Variants in SLC25A21 observed in about 807,000 individuals in gnomAD.
SLC25A21 encodes mitochondrial 2-oxodicarboxylate carrier.
Under a neutral mutation model 43.8 loss-of-function variants are expected in SLC25A21, and 47 were observed. That is an observed-to-expected ratio of 1.07 (90% CI 0.85 to 1.37). SLC25A21 has a LOEUF of 1.37. Ranked by LOEUF, SLC25A21 falls within the 40% of genes most tolerant of loss-of-function variation. The pLI is 0.00. For missense variants in SLC25A21, 352 were observed against 350.2 expected (o/e 1.00, Z -0.04); for synonymous variants, 131 against 121.3 (o/e 1.08, Z -0.52).
intron 7 of SLC25A21, among the ~76,000 whole-genome samples, chr14:36,696,989 T>C (rs943158845): frequency 6.6e-6 from 1 of 152,216 alleles, no homozygotes; most frequent in African/African-American, 2.4e-5. Flanking sequence ...CTCGTTCTTT[T>C]AATTGTGATG....
chr14:37,117,987 C>T (rs1175131856), intron 1 of SLC25A21, among the ~76,000 whole-genome samples: 1 of 151,904 alleles, frequency 6.6e-6, no homozygotes, highest in African/African-American at 2.4e-5. Context: ...GATTCCCCTC[C>T]TCCCAAAAAG....
intron 3 of SLC25A21, among the ~76,000 whole-genome samples, chr14:36,777,496 G>C (rs1438117868): frequency 6.6e-6 from 1 of 152,088 alleles, no homozygotes; most frequent in African/African-American, 2.4e-5. Context: ...AGATCATCCT[G>C]GATTAAACTG....
At chr14:37,159,896 T>G (rs1963910650) in intron 1 of SLC25A21, among the ~76,000 whole-genome samples, 1 of 151,960 alleles carries the variant, frequency 6.6e-6, no homozygotes, top group South Asian at 2.1e-4. Flanking sequence ...ATAACATCAT[T>G]AAAAAGTAGG....
chr14:36,818,667 T>C (rs576522464), intron 2 of SLC25A21, among the ~76,000 whole-genome samples: 1 of 152,232 alleles, frequency 6.6e-6, no homozygotes, highest in Non-Finnish European at 1.5e-5. Context: ...CCATTACACA[T>C]GACTTATTCT....
At chr14:37,053,764 A>G (rs999198717) in intron 1 of SLC25A21, among the ~76,000 whole-genome samples, 3 of 152,306 alleles carry the variant, frequency 2.0e-5, no homozygotes, top group Admixed American at 1.3e-4. Flanking sequence ...ATAGATTAGA[A>G]AAAAAATGCT....
intron 1 of SLC25A21, among the ~76,000 whole-genome samples, chr14:37,094,941 T>C (rs1962657988): frequency 2.0e-5 from 3 of 152,130 alleles, no homozygotes; most frequent in African/African-American, 7.2e-5. Flanking sequence ...TGAAAATTGC[T>C]AAGAGATTAA....
intron 9 of SLC25A21, among the ~76,000 whole-genome samples, chr14:36,681,003 A>AAAT (rs1270347455): frequency 2.0e-5 from 3 of 152,234 alleles, no homozygotes; most frequent in Non-Finnish European, 4.4e-5. Context: ...TTTTAAAAGT[A>AAAT]AATAAATATA....
intron 1 of SLC25A21, among the ~76,000 whole-genome samples, chr14:37,075,350 C>T (rs1962258412): frequency 6.6e-6 from 1 of 152,146 alleles, no homozygotes; most frequent in Non-Finnish European, 1.5e-5. Context: ...AAACAGATTG[C>T]TTTATTTTTC....
In SLC25A21 at chr14:37,172,548, C is replaced by G. The variant is rs1964154144; in HGVS notation, c.-198G>C. Reference sequence around the variant, plus strand: ...TCGCGCGATCTCCGGCGCGTCGGAACCTGTTCGCAGCGCTCTCGCAGAGGC... The same window carrying G: ...TCGCGCGATCTCCGGCGCGTCGGAAGCTGTTCGCAGCGCTCTCGCAGAGGC... On this transcript the variant is annotated 5_prime_UTR_variant, in exon 1 of 10. Transcript: ENST00000331299. The G allele has an allele frequency of 1.4e-6, 1 of 720,240 alleles. No individual in the cohort carries two copies. The highest frequency in any genetic ancestry group is 1.7e-5 in the African/African-American group (1 of 57,596). 44.6% of individuals were successfully genotyped at this position (720,240 alleles called of 1,614,324 possible). A position where few individuals can be genotyped will look rare whatever the true frequency, so the allele number is the denominator to read the frequency against.
At chr14:36,805,665 C>A (rs1179722130) in intron 3 of SLC25A21, among the ~76,000 whole-genome samples, 1 of 149,720 alleles carries the variant, frequency 6.7e-6, no homozygotes, top group Non-Finnish European at 1.5e-5. Flanking sequence ...TAAGTCACTG[C>A]CTGTTCTTCT....
chr14:36,838,539 C>G (rs572323946), intron 2 of SLC25A21, among the ~76,000 whole-genome samples: 1 of 152,294 alleles, frequency 6.6e-6, no homozygotes, highest in South Asian at 2.1e-4. Context: ...CAAGCCATAG[C>G]CTACTTGAGC....
intron 1 of SLC25A21, among the ~76,000 whole-genome samples, chr14:37,069,287 C>T (rs1477541275): frequency 6.6e-6 from 1 of 152,070 alleles, no homozygotes; most frequent in African/African-American, 2.4e-5. Context: ...TTTTCAAGAG[C>T]ACCCATCTGC....
chr14:36,685,523 G>T (rs1013155162), intron 7 of SLC25A21, among the ~76,000 whole-genome samples: 9 of 152,164 alleles, frequency 5.9e-5, no homozygotes, highest in African/African-American at 2.2e-4. Context: ...GTGACATTCT[G>T]TGCATTATAA....
intron 1 of SLC25A21, among the ~76,000 whole-genome samples, chr14:36,903,047 A>C (rs1215460543): frequency 6.6e-6 from 1 of 152,220 alleles, no homozygotes; most frequent in Non-Finnish European, 1.5e-5. Context: ...AATGGGAATA[A>C]AAATAATAGT....
At chr14:36,811,871 A>AAAATCT (rs1888281813) in intron 3 of SLC25A21, among the ~76,000 whole-genome samples, 3 of 152,216 alleles carry the variant, frequency 2.0e-5, no homozygotes, top group Non-Finnish European at 2.9e-5. Flanking sequence ...TCTTGGGGTT[A>AAAATCT]GAGAATTTTT....
At chr14:36,848,966 C>A (rs190759816) in intron 2 of SLC25A21, among the ~76,000 whole-genome samples, 2 of 152,082 alleles carry the variant, frequency 1.3e-5, no homozygotes, top group Non-Finnish European at 2.9e-5. Context: ...TTAGTGCAGG[C>A]CCAGATGATT....
At position 36,824,802 on chromosome 14, in the gene SLC25A21, TAAAA is replaced by T. The variant is rs11386652; in HGVS notation, c.120-10805_120-10802del. Among the ~76,000 whole-genome samples the T allele has an allele frequency of 6.0e-5, 6 of 99,596 alleles. No individual in the cohort carries two copies. The South Asian group carries it at 2.5e-3, about 42-fold the overall frequency. The allele number at this position is 99,596 out of a possible 152,430, so 65.3% of individuals were successfully genotyped here. A position where few individuals can be genotyped will look rare whatever the true frequency, so the allele number is the denominator to read the frequency against. On this transcript the variant is annotated intron_variant, in intron 2 of 9. Coordinates refer to ENST00000331299, the MANE Select transcript of SLC25A21 (RefSeq NM_030631.4). Reference sequence around the variant, plus strand: ...ACAGTGAAGTTTATCTCTGGAATCCTAAAAAAAAAAAAAAAAAAAAAGCCCTCAA... The same window carrying T: ...ACAGTGAAGTTTATCTCTGGAATCCTAAAAAAAAAAAAAAAAAGCCCTCAA...
chr14:36,839,466 T>G (rs1889312340), intron 2 of SLC25A21, among the ~76,000 whole-genome samples: 1 of 152,252 alleles, frequency 6.6e-6, no homozygotes, highest in African/African-American at 2.4e-5. Context: ...TTAACTTTCC[T>G]ATAGTTCGAT....
intron 3 of SLC25A21, among the ~76,000 whole-genome samples, chr14:36,810,902 C>A (rs191620966): frequency 1.2e-3 from 117 of 95,076 alleles, no homozygotes; most frequent in African/African-American, 3.6e-3. Flanking sequence ...GGAAATAATT[C>A]AGCATATGAT....
Sources: allele counts gnomAD v4.1 joint callset (sites outside exome capture counted in the v4.1 genomes callset), GRCh38; gene constraint gnomAD v4.1.1; transcripts MANE v1.5; gene names NCBI Gene and HGNC (gene_info 2026-07-23, HGNC 2026-07-21).